The following NTRK3 variants were observed in gnomAD, a reference collection of about 807,000 sequenced individuals.
The protein encoded by NTRK3 is NT-3 growth factor receptor.
A neutral mutation model predicts 91.7 loss-of-function variants in NTRK3; 24 were observed. The ratio of observed to expected loss-of-function variants is 0.26; its 90% CI spans 0.19 to 0.37. The LOEUF is 0.37. NTRK3 is among the 10% of genes least tolerant of loss of function. The pLI is 1.00. For synonymous variants in NTRK3, 483 were observed against 404.0 expected (o/e 1.20, Z -2.34); for missense variants, 880 against 1,068.9 (o/e 0.82, Z 2.46).
rs534928351 is a variant in NTRK3 at position 88,235,014 on chromosome 15, T to C, written c.248+20892A>G. On this transcript the variant is annotated intron_variant, in intron 3 of 18. Transcript: ENST00000394480. The surrounding 1 kb of genome is among the most constrained non-coding windows in gnomAD (Gnocchi z 5.2). Reference sequence around the variant, plus strand: ...TCATGAAGCTCTGACTGTCTGTCACTGACAGATCGAAGCTGGACAATCCAT... The same window carrying C: ...TCATGAAGCTCTGACTGTCTGTCACCGACAGATCGAAGCTGGACAATCCAT... Among the ~76,000 whole-genome samples the C allele has an allele frequency of 6.6e-6, 1 of 152,176 alleles. No homozygotes were observed. Among genetic ancestry groups the C allele is most frequent in the Non-Finnish European group, 1.5e-5 (1 of 68,022 alleles).
chr15:88,256,199 G>C (rs1461166025), intron 2 of NTRK3, 31 bp from the exon 3 acceptor site: 1 of 1,160,566 alleles, frequency 8.6e-7, no homozygotes, highest in African/African-American at 1.6e-5. Flanking sequence ...AGGAGAGGGG[G>C]GTGGGGTGGG....
chr15:88,052,482 A>G (rs1287841205), intron 13 of NTRK3, among the ~76,000 whole-genome samples: 1 of 152,246 alleles, frequency 6.6e-6, no homozygotes, highest in Non-Finnish European at 1.5e-5. Context: ...CCAACATGCT[A>G]AAGCCCATGG....
At chr15:87,949,293 A>G (rs951536585) in intron 14 of NTRK3, among the ~76,000 whole-genome samples, 1 of 152,086 alleles carries the variant, frequency 6.6e-6, no homozygotes, top group Non-Finnish European at 1.5e-5. Flanking sequence ...TTGAACCAGG[A>G]AAGTACTGAG....
At position 87,878,848 on chromosome 15, in the gene NTRK3, G is replaced by C. The variant is rs558301659; in HGVS notation, c.2292+1422C>G. Among the ~76,000 whole-genome samples, 136 of 151,906 alleles carry C rather than the reference G, an allele frequency of 9.0e-4. No homozygotes were observed. In the South Asian group the frequency reaches 0.013, roughly 14 times the overall value. ...TAAGACCAATAGCAACCTCAGCCCAGAACCTCTGTTTACTGGGGCCACCAA... is the reference window on the plus strand; with the variant it reads ...TAAGACCAATAGCAACCTCAGCCCACAACCTCTGTTTACTGGGGCCACCAA... On this transcript the variant is annotated intron_variant, in intron 18 of 18. Coordinates refer to ENST00000394480, the Ensembl canonical transcript of NTRK3.
chr15:88,067,065 A>T (rs1467517585), intron 13 of NTRK3, among the ~76,000 whole-genome samples: 1 of 151,990 alleles, frequency 6.6e-6, no homozygotes, highest in Non-Finnish European at 1.5e-5. Flanking sequence ...TCCTCAATTA[A>T]TCCCACTCAC....
chr15:88,041,797 TCAGCAAGTCTC>T (rs1304997646), intron 13 of NTRK3, among the ~76,000 whole-genome samples: 2 of 136,374 alleles, frequency 1.5e-5, no homozygotes, highest in African/African-American at 5.4e-5. Flanking sequence ...CACACCATCT[TCAGCAAGTCTC>T]CGCAGAAGTC....
At chr15:88,256,441 C>G (rs559901196) in exon 2 of NTRK3, 2 of 541,966 alleles carry the variant, frequency 3.7e-6, no homozygotes, top group Admixed American at 3.8e-5. Flanking sequence ...GCTGACTCGC[C>G]GGGTCCGGGG....
At chr15:88,138,031 C>T (rs969056075) in intron 6 of NTRK3, among the ~76,000 whole-genome samples, 2 of 150,244 alleles carry the variant, frequency 1.3e-5, no homozygotes, top group African/African-American at 4.9e-5. Context: ...AGCCTGGCAA[C>T]AGAGCGAGAT....
intron 13 of NTRK3, among the ~76,000 whole-genome samples, chr15:88,048,270 A>C (rs1396311983): frequency 6.6e-6 from 1 of 152,208 alleles, no homozygotes; most frequent in Non-Finnish European, 1.5e-5. Context: ...TAGAGAAATT[A>C]GTGCCAATGG....
rs1224861488 is a variant in NTRK3, at chr15:88,234,866, G to A, written c.248+21040C>T. 6.6e-6 allele frequency among the ~76,000 whole-genome samples: 1 copy of A among 151,812 alleles called. No individual in the cohort carries two copies. Among genetic ancestry groups the A allele is most frequent in the African/African-American group, 2.4e-5 (1 of 41,318 alleles). On this transcript the variant is annotated intron_variant, in intron 3 of 18. Transcript: ENST00000394480. The surrounding 1 kb of genome is among the most constrained non-coding windows in gnomAD (Gnocchi z 6.1). ...TCTCCAACCTCCCACTCCCACCAGC[G>A]CACCCTACTCAGCCCTGCTCCCAGG...
rs770668339 is a variant in NTRK3 at position 88,002,168 on chromosome 15, G to GTTT, written c.1585+30686_1585+30688dup. Among the ~76,000 whole-genome samples the GTTT allele has an allele frequency of 5.3e-3, 371 of 70,174 alleles. 32 individuals carry two copies. The highest frequency in any genetic ancestry group is 0.02 in the African/African-American group (340 of 17,286). 46.0% of individuals were successfully genotyped at this position (70,174 alleles called of 152,430 possible). ...TTTCTCTCTCTGAAGGATAGTGGTTGTTTTTTTTTTTTTTTTTTTTTTTTT... is the reference window on the plus strand; with the variant it reads ...TTTCTCTCTCTGAAGGATAGTGGTTGTTTTTTTTTTTTTTTTTTTTTTTTTTTT... On this transcript the variant is annotated intron_variant, in intron 14 of 18. Transcript: ENST00000394480.
intron 13 of NTRK3, among the ~76,000 whole-genome samples, chr15:88,047,887 T>C (rs546052777): frequency 3.9e-5 from 6 of 152,254 alleles, no homozygotes; most frequent in Admixed American, 3.9e-4. Flanking sequence ...GGAGAAAAGA[T>C]AGTCATGGGT....
In NTRK3 at chr15:88,135,400, G is replaced by A; in HGVS notation, c.908-3C>T. ...CAGGCTCACCACACGTGGGGGATCT[G>A]TCAAGGGAGAAGCCTGCTGAAATCC... On this transcript the variant is annotated splice_polypyrimidine_tract_variant and splice_region_variant and intron_variant, in intron 9 of 18. Coordinates refer to ENST00000394480, the Ensembl canonical transcript of NTRK3. The A allele has an allele frequency of 6.2e-7, 1 of 1,613,174 alleles. No individual in the cohort carries two copies. Among genetic ancestry groups the A allele is most frequent in the Non-Finnish European group, 8.5e-7 (1 of 1,179,910 alleles).
chr15:88,089,604 C>A (rs2048823831), intron 13 of NTRK3, among the ~76,000 whole-genome samples: 1 of 152,188 alleles, frequency 6.6e-6, no homozygotes, highest in African/African-American at 2.4e-5. Context: ...CTAGCTGAGT[C>A]CCATTAGCCT....
At chr15:87,906,936 G>A (rs558954505) in intron 17 of NTRK3, among the ~76,000 whole-genome samples, 1 of 152,048 alleles carries the variant, frequency 6.6e-6, no homozygotes, top group Non-Finnish European at 1.5e-5. Flanking sequence ...ACTCACAGTT[G>A]TATCACTGGC....
chr15:87,913,752 A>T (rs2141768286), intron 17 of NTRK3, among the ~76,000 whole-genome samples: 1 of 152,362 alleles, frequency 6.6e-6, no homozygotes, highest in African/African-American at 2.4e-5. Flanking sequence ...GAAAATGAAG[A>T]AAATACAATT....
intron 17 of NTRK3, among the ~76,000 whole-genome samples, chr15:87,885,169 A>G (rs930706563): frequency 6.6e-6 from 1 of 151,980 alleles, no homozygotes; most frequent in Non-Finnish European, 1.5e-5. Context: ...TACAATAACA[A>G]CAGAAGTGTT....
Position 88,112,048 on chromosome 15 carries a change from A to C in NTRK3, c.1396+14223T>G, listed in dbSNP as rs547612716. ...CAGCCTCCTGAGTAGCTGGGACTACAGGCACCCGCCACCACGCCCAGCTAA... is the reference window on the plus strand; with the variant it reads ...CAGCCTCCTGAGTAGCTGGGACTACCGGCACCCGCCACCACGCCCAGCTAA... On this transcript the variant is annotated intron_variant, in intron 13 of 18. Coordinates refer to ENST00000394480, the Ensembl canonical transcript of NTRK3. 2.0e-5 allele frequency among the ~76,000 whole-genome samples: 3 copies of C among 151,974 alleles called. No individual in the cohort carries two copies. In the East Asian group the frequency reaches 5.8e-4, roughly 29 times the overall value.
intron 14 of NTRK3, among the ~76,000 whole-genome samples, chr15:87,997,415 A>G (rs940467852): frequency 3.3e-5 from 5 of 152,132 alleles, no homozygotes; most frequent in African/African-American, 1.2e-4. Context: ...CAAAATTCTC[A>G]GGCAACGAGG....
Sources: gnomAD v4.1 joint callset for allele counts (sites outside exome capture counted in the v4.1 genomes callset) on GRCh38, gnomAD v4.1.1 for gene constraint, Gnocchi (gnomAD v3.1) non-coding constraint, MANE v1.5 for transcripts, NCBI Gene and HGNC (gene_info 2026-07-23, HGNC 2026-07-21) for gene names.